Variants in BCL2L1 observed in about 807,000 individuals in gnomAD.
The protein encoded by BCL2L1 is BCL2 like 1.
Under a neutral mutation model 18.7 loss-of-function variants are expected in BCL2L1, and 1 was observed. The observed-to-expected ratio is 0.05, with a 90% CI of 0.02 to 0.25. The LOEUF is 0.25. Ranked by LOEUF, BCL2L1 falls within the 10% of genes least tolerant of loss-of-function variation. The pLI, the probability that BCL2L1 is intolerant of heterozygous loss-of-function variation, is 1.00. For synonymous variants in BCL2L1, 103 were observed against 122.7 expected, an observed-to-expected ratio of 0.84 and a Z score of 1.06; for missense variants, 207 against 304.9, an observed-to-expected ratio of 0.68 and a Z score of 2.39.
chr20:31,675,606 A>C (rs1362723474), intron 2 of BCL2L1, among the ~76,000 whole-genome samples: 7 of 152,126 alleles, frequency 4.6e-5, no homozygotes, highest in African/African-American at 1.7e-4. Flanking sequence ...CCTCTCCCCC[A>C]CGGAAACATA....
At chr20:31,686,170 G>A (rs1051498862) in intron 2 of BCL2L1, 2 of 152,178 alleles carry the variant, frequency 1.3e-5, no homozygotes, top group African/African-American at 4.8e-5. Flanking sequence ...TATATGCCAG[G>A]CCCTCATGTG....
intron 2 of BCL2L1, chr20:31,720,442 T>C (rs1280695523): frequency 3.9e-6 from 3 of 770,936 alleles, no homozygotes; most frequent in Non-Finnish European, 4.7e-6. Context: ...ACATCTCTCA[T>C]AAAACCTGCA....
intron 2 of BCL2L1, among the ~76,000 whole-genome samples, chr20:31,680,860 G>A (rs907703226): frequency 5.9e-5 from 9 of 152,228 alleles, no homozygotes; most frequent in African/African-American, 2.2e-4. Context: ...AGGGGGTACA[G>A]AGAAACATGG....
chr20:31,722,224 T>A lies in BCL2L1; in HGVS notation c.-6A>T. ...TCCCGGTTGCTCTGAGACATTTTTA[T>A]AATAGGGATGGGCTCAACCAGTCCA... is the stretch of plus-strand genomic sequence containing the variant. On this transcript the variant is annotated 5_prime_UTR_variant, in exon 2 of 3. Coordinates refer to ENST00000307677, the MANE Select transcript of BCL2L1 (RefSeq NM_138578.3). 1 of 1,492,794 alleles carries A rather than the reference T, an allele frequency of 6.7e-7. No individual in the cohort carries two copies. Among genetic ancestry groups the A allele is most frequent in the Non-Finnish European group, 8.9e-7 (1 of 1,127,930 alleles). The allele number at this position is 1,492,794 out of a possible 1,614,324, so 92.5% of individuals were successfully genotyped here.
intron 2 of BCL2L1, among the ~76,000 whole-genome samples, chr20:31,704,521 A>C (rs927744757): frequency 1.1e-4 from 16 of 152,288 alleles, no homozygotes; most frequent in Non-Finnish European, 2.4e-4. Flanking sequence ...CTGAGCCATA[A>C]AGACACAGTT....
chr20:31,705,470 CTCTG>C (rs1023951072), intron 2 of BCL2L1, among the ~76,000 whole-genome samples: 1 of 152,178 alleles, frequency 6.6e-6, no homozygotes, highest in African/African-American at 2.4e-5. Context: ...TCAAACTCAA[CTCTG>C]TCTGATTCCA....
At chr20:31,676,160 G>A (rs962334963) in intron 2 of BCL2L1, among the ~76,000 whole-genome samples, 7 of 152,154 alleles carry the variant, frequency 4.6e-5, no homozygotes, top group Non-Finnish European at 1.0e-4. Flanking sequence ...TTTACTGGGG[G>A]CAGAGATGCT....
At chr20:31,695,534 A>G (rs557353217) in intron 2 of BCL2L1, among the ~76,000 whole-genome samples, 1 of 152,308 alleles carries the variant, frequency 6.6e-6, no homozygotes, top group East Asian at 1.9e-4. Context: ...GGACAGGATC[A>G]TAGCTCACTG....
At chr20:31,698,177 C>T (rs889447637) in intron 2 of BCL2L1, among the ~76,000 whole-genome samples, 3 of 152,068 alleles carry the variant, frequency 2.0e-5, no homozygotes, top group Non-Finnish European at 2.9e-5. Flanking sequence ...CGTGAACCAT[C>T]GTGCCCAGCC....
At chr20:31,696,701 CCAGG>C (rs1480847120) in intron 2 of BCL2L1, among the ~76,000 whole-genome samples, 1 of 152,082 alleles carries the variant, frequency 6.6e-6, no homozygotes, top group Non-Finnish European at 1.5e-5. Flanking sequence ...CTGCTTGAGC[CCAGG>C]AGTTAGAGAC....
Position 31,666,055 on chromosome 20 carries a change from G to T in BCL2L1, c.596C>A (p.Ala199Glu). 2 of 1,614,150 alleles carry T rather than the reference G, an allele frequency of 1.2e-6. No individual in the cohort carries two copies. Among genetic ancestry groups the T allele is most frequent in the Non-Finnish European group, 1.7e-6 (2 of 1,180,022 alleles). The part of the protein sequence containing the change: ...DTFVELYGNN[A>E]AAESRKGQER... ...CTGGCCCTTTCGGCTCTCGGCTGCTGCATTGTTCCCATAGAGTTCCACAAA... is the reference window on the plus strand; with the variant it reads ...CTGGCCCTTTCGGCTCTCGGCTGCTTCATTGTTCCCATAGAGTTCCACAAA... Residue 199 changes from alanine to glutamate, a missense_variant, in exon 3 of 3, where the codon GCA becomes GAA. Physicochemically the swap from Ala to Glu is moderately radical, Grantham distance 107. Transcript: ENST00000307677.
chr20:31,679,094 T>C (rs573277769), intron 2 of BCL2L1, among the ~76,000 whole-genome samples: 14 of 152,210 alleles, frequency 9.2e-5, no homozygotes, highest in Admixed American at 5.2e-4. Flanking sequence ...AGGGAGTGGG[T>C]TCCTTCTTGT....
intron 2 of BCL2L1, among the ~76,000 whole-genome samples, chr20:31,717,902 T>A (rs1433997615): frequency 6.6e-6 from 1 of 152,200 alleles, no homozygotes; most frequent in East Asian, 1.9e-4. Context: ...CTTCCCACAT[T>A]CCCATTGGAA....
intron 2 of BCL2L1, among the ~76,000 whole-genome samples, chr20:31,695,723 A>G (rs540390735): frequency 6.6e-6 from 1 of 152,362 alleles, no homozygotes; most frequent in Admixed American, 6.5e-5. Context: ...TTGGGATTAT[A>G]GGCGTGAGCC....
intron 2 of BCL2L1, among the ~76,000 whole-genome samples, chr20:31,683,311 A>G (rs778414547): frequency 8.5e-5 from 13 of 152,106 alleles, no homozygotes; most frequent in Non-Finnish European, 1.3e-4. Flanking sequence ...TGTTTTTTCC[A>G]TAGACTGTTA....
At chr20:31,721,506 TGTG>T in intron 2 of BCL2L1, 146 bp downstream of exon 2, 1 of 898,972 alleles carries the variant, frequency 1.1e-6, no homozygotes, top group Middle Eastern at 3.5e-4. Flanking sequence ...GTTAACCTCT[TGTG>T]GTGAAATGAG....
chr20:31,700,452 CT>C, intron 2 of BCL2L1, among the ~76,000 whole-genome samples: 1 of 152,312 alleles, frequency 6.6e-6, no homozygotes, highest in Admixed American at 6.5e-5. Flanking sequence ...CCTTGGAATC[CT>C]CCCCCTGGCA....
At chr20:31,701,428 T>C (rs2061275840) in intron 2 of BCL2L1, among the ~76,000 whole-genome samples, 1 of 152,230 alleles carries the variant, frequency 6.6e-6, no homozygotes, top group South Asian at 2.1e-4. Context: ...GCATAAAAAC[T>C]GCTCAGTTCA....
chr20:31,681,081 G>A (rs550638332), intron 2 of BCL2L1, among the ~76,000 whole-genome samples: 1 of 152,378 alleles, frequency 6.6e-6, no homozygotes, highest in Admixed American at 6.5e-5. Context: ...AATGTGAGGA[G>A]ACTGGTGGTG....
Sources: gnomAD v4.1 joint callset for allele counts (sites outside exome capture counted in the v4.1 genomes callset) on GRCh38, gnomAD v4.1.1 for gene constraint, MANE v1.5 for transcripts, NCBI Gene and HGNC (gene_info 2026-07-23, HGNC 2026-07-21) for gene names.